The following SLTM variants were observed in gnomAD, a reference collection of about 807,000 sequenced individuals.
SLTM encodes SAFB like transcription modulator.
SLTM carries 43 observed loss-of-function variants against 134.6 expected under a neutral mutation model. That is an observed-to-expected ratio of 0.32 (90% CI 0.25 to 0.41). SLTM has a LOEUF of 0.41. Ranked by LOEUF, SLTM falls within the 10% of genes least tolerant of loss-of-function variation. The pLI is 1.00. For synonymous variants in SLTM, 424 were observed against 432.3 expected (o/e 0.98, Z 0.24); for missense variants, 1,055 against 1,288.8 (o/e 0.82, Z 2.78).
At chr15:58,919,379 G>A (rs1248803195) in intron 2 of SLTM, among the ~76,000 whole-genome samples, 1 of 152,122 alleles carries the variant, frequency 6.6e-6, no homozygotes, top group Non-Finnish European at 1.5e-5. Context: ...AGAATCGCTT[G>A]AGCCCATGAG....
At chr15:58,884,665 C>G (rs1218144614) in intron 19 of SLTM, among the ~76,000 whole-genome samples, 1 of 151,604 alleles carries the variant, frequency 6.6e-6, no homozygotes, top group Non-Finnish European at 1.5e-5. Context: ...CATGATCACA[C>G]TGTTGCCCAG....
intron 20 of SLTM, among the ~76,000 whole-genome samples, chr15:58,882,397 G>A (rs1228836487): frequency 1.3e-5 from 2 of 152,088 alleles, no homozygotes; most frequent in African/African-American, 4.8e-5. Context: ...TTACATGGCA[G>A]TGGCAACATG....
At chr15:58,880,451 A>T (rs1442081290) in intron 20 of SLTM, among the ~76,000 whole-genome samples, 1 of 152,218 alleles carries the variant, frequency 6.6e-6, no homozygotes, top group Non-Finnish European at 1.5e-5. Flanking sequence ...CAGCAGCACC[A>T]GCTGGGTGCC....
Position 58,887,075 on chromosome 15 carries a change from C to T in SLTM, c.2735G>A (p.Ser912Asn), listed in dbSNP as rs1429321376. The T allele has an allele frequency of 6.2e-7, 1 of 1,614,088 alleles. No individual in the cohort carries two copies. Among genetic ancestry groups the T allele is most frequent in the African/African-American group, 1.3e-5 (1 of 75,060 alleles). The change falls in exon 19 of 21, where the codon AGT becomes AAT. Residue 912 changes from serine to asparagine, a missense_variant. Transcript: ENST00000380516. The stretch of plus-strand genomic sequence containing the variant: ...ATTCCCAGGGGGAGCGCCTCTCACA[C>T]TGTGCCCTGATACTTCTCTCCCAGA... ...ERSGREVSGH[S>N]VRGAPPGNRS... is the part of the protein sequence containing the mutation.
chr15:58,891,859 C>CT (rs1431904318), intron 14 of SLTM, among the ~76,000 whole-genome samples: 2 of 151,912 alleles, frequency 1.3e-5, no homozygotes, highest in African/African-American at 4.8e-5. Context: ...GGCATTGCAA[C>CT]TTTTTTTAAT....
At chr15:58,930,265 G>A (rs11856185) in intron 2 of SLTM, among the ~76,000 whole-genome samples, 72,335 of 148,956 alleles carry the variant, frequency 0.49, 20,254 homozygotes, top group Middle Eastern at 0.71. Flanking sequence ...AGGCACGCGC[G>A]CCACCATGCC....
Position 58,889,564 on chromosome 15 carries a change from A to T in SLTM, c.2080-10T>A, listed in dbSNP as rs150793741. ...CTTCCTTACGACGTTCCTTCAGACA[A>T]CACAGAATGAAGAACCAACCAAGGC... On this transcript the variant is annotated splice_polypyrimidine_tract_variant and intron_variant, in intron 15 of 20. Coordinates refer to ENST00000380516, the MANE Select transcript of SLTM (RefSeq NM_024755.4). 158 of 1,613,644 alleles carry T rather than the reference A, an allele frequency of 9.8e-5. No homozygotes were observed. In the East Asian group the frequency reaches 3.5e-3, roughly 36 times the overall value.
rs981166441 is a variant in SLTM, at chr15:58,912,350, C to A, written c.561+213G>T. Among the ~76,000 whole-genome samples the A allele has an allele frequency of 3.9e-5, 6 of 152,224 alleles. No individual in the cohort carries two copies. In the East Asian group the frequency reaches 1.2e-3, roughly 29 times the overall value. On this transcript the variant is annotated intron_variant, in intron 5 of 20. Coordinates refer to ENST00000380516, the MANE Select transcript of SLTM (RefSeq NM_024755.4). Reference sequence around the variant, plus strand: ...TCCTGACCTCGTGAACCGCCCGCCTCGGCCTCCCAAAGTGCTGGGATTACA... The same window carrying A: ...TCCTGACCTCGTGAACCGCCCGCCTAGGCCTCCCAAAGTGCTGGGATTACA...
At chr15:58,902,744 G>A (rs1223767547) in intron 5 of SLTM, among the ~76,000 whole-genome samples, 1 of 148,358 alleles carries the variant, frequency 6.7e-6, no homozygotes, top group Non-Finnish European at 1.5e-5. Context: ...TTTTTTTTGA[G>A]ACAGAGTTTT....
At position 58,916,999 on chromosome 15, in the gene SLTM, C is replaced by T. The variant is rs2036696793; in HGVS notation, c.251G>A (p.Gly84Asp). 2 of 1,613,342 alleles carry T rather than the reference C, an allele frequency of 1.2e-6. No homozygotes were observed. Among genetic ancestry groups the T allele is most frequent in the South Asian group, 2.2e-5 (2 of 91,020 alleles). The change falls in exon 3 of 21, where the codon GGT (glycine) becomes GAT (aspartate). Residue 84 changes from glycine to aspartate, a missense_variant and splice_region_variant. Around this residue, in one of 3 missense-constraint regions of SLTM, gnomAD observed 268 missense variants for 284.3 expected, o/e 0.94. Coordinates refer to ENST00000380516, the MANE Select transcript of SLTM (RefSeq NM_024755.4). The part of the protein sequence containing the change: ...TPNKKPTKGK[G>D]KKHEADELSG... ...CAACTCATCTGCTTCATGTTTTTTA[C>T]CTGCGAAAGAAGGAAAATGGGCTAA...
intron 19 of SLTM, 36 bp downstream of exon 19, chr15:58,886,939 T>A: frequency 6.2e-7 from 1 of 1,611,124 alleles, no homozygotes; most frequent in Non-Finnish European, 8.5e-7. Flanking sequence ...TAAATGTATG[T>A]GTGCAGGCTC....
chr15:58,920,355 A>G (rs1295245002), intron 2 of SLTM, among the ~76,000 whole-genome samples: 2 of 150,938 alleles, frequency 1.3e-5, no homozygotes, highest in South Asian at 2.1e-4. Context: ...TGGGCACAGC[A>G]GCTCATGCCT....
At chr15:58,905,120 AGGCAGGAGCCATT>A (rs1442565791) in intron 5 of SLTM, among the ~76,000 whole-genome samples, 3 of 152,232 alleles carry the variant, frequency 2.0e-5, no homozygotes, top group African/African-American at 4.8e-5. Flanking sequence ...CTGAGATTAC[AGGCAGGAGCCATT>A]GCACCCAGCC....
rs2034290262 is a variant in SLTM at position 58,887,234 on chromosome 15, C to T, written c.2682G>A (p.Arg894=). 1.2e-6 allele frequency: 2 copies of T among 1,613,698 alleles called. No individual in the cohort carries two copies. The highest frequency in any genetic ancestry group is 4.5e-5 in the East Asian group (2 of 44,876). The part of the protein sequence containing the change: ...KSEGSMSTDK[R]ETRVERPERS... The stretch of plus-strand genomic sequence containing the variant: ...ACATAGTACACAGCTACCTTGTTTC[C>T]CGTTTGTCAGTGGACATGCTTCCTT... The change falls in exon 18 of 21, where the codon CGG becomes CGA. Residue 894 remains arginine (R), a synonymous_variant. Coordinates refer to ENST00000380516, the MANE Select transcript of SLTM (RefSeq NM_024755.4).
chr15:58,888,126 CTGGGAA>C (rs1219133710), intron 17 of SLTM, among the ~76,000 whole-genome samples: 11 of 152,160 alleles, frequency 7.2e-5, no homozygotes, highest in Admixed American at 7.2e-4. Context: ...GCGTTCTAGC[CTGGGAA>C]TCAGAATGAG....
chr15:58,932,984 A>G (rs2037987144), intron 1 of SLTM, among the ~76,000 whole-genome samples: 1 of 152,294 alleles, frequency 6.6e-6, no homozygotes, highest in Admixed American at 6.5e-5. Context: ...GCACAATTAA[A>G]CGGTAACTTC....
chr15:58,902,162 C>T (rs538533315), intron 5 of SLTM, among the ~76,000 whole-genome samples: 1 of 152,058 alleles, frequency 6.6e-6, no homozygotes, highest in Non-Finnish European at 1.5e-5. Flanking sequence ...CAACATAGAA[C>T]CAACATTTTC....
At chr15:58,893,130 G>T in intron 13 of SLTM, 70 bp from the exon 14 acceptor site, 3 of 1,472,732 alleles carry the variant, frequency 2.0e-6, no homozygotes, top group Non-Finnish European at 2.7e-6. Context: ...AGTTTAGTAG[G>T]TCATTTAAAA....
chr15:58,915,457 G>C (rs1470418917), intron 3 of SLTM, among the ~76,000 whole-genome samples: 1 of 152,166 alleles, frequency 6.6e-6, no homozygotes, highest in Non-Finnish European at 1.5e-5. Flanking sequence ...TGTTTTTACA[G>C]CTTATGGATA....
Sources: allele counts gnomAD v4.1 joint callset (sites outside exome capture counted in the v4.1 genomes callset), GRCh38; gene constraint gnomAD v4.1.1; regional missense constraint gnomAD v4.1.1; transcripts MANE v1.5; gene names NCBI Gene and HGNC (gene_info 2026-07-23, HGNC 2026-07-21).